Variants in SOX6 observed in about 807,000 individuals in gnomAD.
SOX6 encodes the protein transcription factor SOX-6.
Under a neutral mutation model 97.8 loss-of-function variants are expected in SOX6, and 11 were observed. The ratio of observed to expected loss-of-function variants is 0.11; its 90% CI spans 0.07 to 0.19. The LOEUF (loss-of-function observed/expected upper bound fraction) is 0.19, where lower values mean the gene tolerates loss of function less well. SOX6 is among the 10% of genes least tolerant of loss of function. The pLI, the probability that SOX6 is intolerant of heterozygous loss-of-function variation, is 1.00. For missense variants in SOX6, 810 were observed against 1,039.5 expected, an observed-to-expected ratio of 0.78 and a Z score of 3.04; for synonymous variants, 360 against 371.4, an observed-to-expected ratio of 0.97 and a Z score of 0.35.
intron 2 of SOX6, among the ~76,000 whole-genome samples, chr11:16,719,534 T>C (rs1007875246): frequency 2.0e-5 from 3 of 152,228 alleles, no homozygotes; most frequent in East Asian, 1.9e-4. Context: ...AAACATGCTT[T>C]CTTATGTATC....
intron 6 of SOX6, among the ~76,000 whole-genome samples, chr11:16,153,256 T>C (rs10766299): frequency 0.98 from 149,500 of 152,174 alleles, 73,489 homozygotes; most frequent in East Asian, 1. Context: ...GATCCACCCA[T>C]CTCAGCCTCC....
intron 3 of SOX6, among the ~76,000 whole-genome samples, chr11:16,653,141 A>T (rs1462368038): frequency 1.3e-5 from 2 of 152,224 alleles, no homozygotes; most frequent in Non-Finnish European, 2.9e-5. Flanking sequence ...GGATGCAGTG[A>T]AAAGGGAACA....
intron 12 of SOX6, among the ~76,000 whole-genome samples, chr11:16,027,819 T>C (rs1302230515): frequency 6.6e-6 from 1 of 152,194 alleles, no homozygotes; most frequent in Non-Finnish European, 1.5e-5. Flanking sequence ...AGAAGAGAAC[T>C]GAAAATGGCA....
intron 12 of SOX6, among the ~76,000 whole-genome samples, chr11:16,040,991 G>C (rs1372155589): frequency 6.6e-6 from 1 of 152,050 alleles, no homozygotes; most frequent in African/African-American, 2.4e-5. Context: ...ATTACAATTA[G>C]AATTTCTTCC....
upstream of SOX6, among the ~76,000 whole-genome samples, chr11:16,359,246 T>C (rs1222376197): frequency 6.6e-6 from 1 of 151,718 alleles, no homozygotes; most frequent in Non-Finnish European, 1.5e-5. Context: ...GGCTGAGACT[T>C]ATAAAAGAAT....
At chr11:16,692,603 C>G (rs539352670) in intron 3 of SOX6, among the ~76,000 whole-genome samples, 15 of 152,266 alleles carry the variant, frequency 9.9e-5, no homozygotes, top group Non-Finnish European at 1.9e-4. Context: ...CTTGAATATC[C>G]AGCTTGGAGT....
intron 1 of SOX6, among the ~76,000 whole-genome samples, chr11:16,409,436 C>G (rs998068008): frequency 8.5e-5 from 13 of 152,108 alleles, no homozygotes; most frequent in African/African-American, 3.1e-4. Flanking sequence ...GAGGTAATAT[C>G]ATGAGTTCCT....
At chr11:16,121,401 T>G (rs1310496181) in intron 6 of SOX6, among the ~76,000 whole-genome samples, 1 of 152,030 alleles carries the variant, frequency 6.6e-6, no homozygotes, top group Admixed American at 6.6e-5. Flanking sequence ...TTGTCTTAAT[T>G]CAACTCTTCA....
chr11:16,045,543 T>C (rs1855802445), intron 12 of SOX6, among the ~76,000 whole-genome samples: 1 of 152,126 alleles, frequency 6.6e-6, no homozygotes, highest in Non-Finnish European at 1.5e-5. Flanking sequence ...CAGAATAAAA[T>C]GAAAAGCCTT....
intron 12 of SOX6, among the ~76,000 whole-genome samples, chr11:16,041,429 T>G (rs1564921392): frequency 6.6e-6 from 1 of 152,158 alleles, no homozygotes; most frequent in Non-Finnish European, 1.5e-5. Flanking sequence ...GTAATACTGA[T>G]GTACTATTCT....
At chr11:16,661,711 C>A (rs1250177352) in intron 3 of SOX6, among the ~76,000 whole-genome samples, 4 of 152,058 alleles carry the variant, frequency 2.6e-5, no homozygotes, top group African/African-American at 7.2e-5. Context: ...CTAAGTGCAG[C>A]TAATTTTTTT....
Position 15,999,503 on chromosome 11 carries a change from T to C in SOX6, c.1733-10273A>G, listed in dbSNP as rs539438474. ...TGGGATACTACTCAAAATAAAACTATTGTAACTCTTAGTTTAAAAAAGGCA... is the reference window on the plus strand; with the variant it reads ...TGGGATACTACTCAAAATAAAACTACTGTAACTCTTAGTTTAAAAAAGGCA... On this transcript the variant is annotated intron_variant, in intron 13 of 15. Coordinates refer to ENST00000683767, the MANE Select transcript of SOX6 (RefSeq NM_001367873.1). Among the ~76,000 whole-genome samples, 4 of 152,190 alleles carry C rather than the reference T, an allele frequency of 2.6e-5. No individual in the cohort carries two copies. The East Asian group carries it at 5.8e-4, about 22-fold the overall frequency.
At chr11:16,427,756 A>T (rs911569765) in intron 1 of SOX6, among the ~76,000 whole-genome samples, 2 of 152,072 alleles carry the variant, frequency 1.3e-5, no homozygotes, top group African/African-American at 4.8e-5. Context: ...TGGTTCCAAG[A>T]CTTTGCTATT....
At chr11:16,552,268 C>A (rs940355555) in intron 4 of SOX6, among the ~76,000 whole-genome samples, 14 of 151,896 alleles carry the variant, frequency 9.2e-5, no homozygotes, top group Admixed American at 1.3e-4. Context: ...AAGCTAAAAT[C>A]AAAAAAGGAA....
chr11:16,335,005 C>T (rs1856414498), intron 2 of SOX6, among the ~76,000 whole-genome samples: 1 of 152,114 alleles, frequency 6.6e-6, no homozygotes, highest in African/African-American at 2.4e-5. Context: ...AATGTGTCAA[C>T]ACTAGACAAC....
At chr11:16,364,831 T>A (rs1857309550) in intron 1 of SOX6, among the ~76,000 whole-genome samples, 1 of 152,088 alleles carries the variant, frequency 6.6e-6, no homozygotes, top group Non-Finnish European at 1.5e-5. Context: ...TGGAGTCAGA[T>A]AACTATAGAT....
chr11:16,403,843 TA>T lies in SOX6; in HGVS notation c.-4-62592del, dbSNP rs200253906. ...TTTCCCACTTTTGAACTTCTTTGGT[TA>T]AAAAAAAAAGAATTAAAATAAAATT... On this transcript the variant is annotated intron_variant, in intron 1 of 15. Coordinates refer to the SOX6 transcript ENST00000396356. Among the ~76,000 whole-genome samples the T allele has an allele frequency of 4.3e-3, 636 of 147,406 alleles. 13 individuals are homozygous for T. The East Asian group carries it at 0.053, about 12-fold the overall frequency.
intron 6 of SOX6, among the ~76,000 whole-genome samples, chr11:16,152,102 T>C (rs1430720694): frequency 6.6e-6 from 1 of 152,216 alleles, no homozygotes; most frequent in South Asian, 2.1e-4. Flanking sequence ...ACACCACAGA[T>C]GTTTTTGACA....
chr11:16,351,064 C>A (rs1856935647), intron 1 of SOX6, among the ~76,000 whole-genome samples: 1 of 152,032 alleles, frequency 6.6e-6, no homozygotes, highest in Non-Finnish European at 1.5e-5. Context: ...ATATCCATAT[C>A]CCCAACACTA....
Sources: allele counts gnomAD v4.1 joint callset (sites outside exome capture counted in the v4.1 genomes callset), GRCh38; gene constraint gnomAD v4.1.1; transcripts MANE v1.5; gene names NCBI Gene and HGNC (gene_info 2026-07-23, HGNC 2026-07-21).